Variants in RBFOX1 observed in about 807,000 individuals in gnomAD.
RBFOX1 encodes the protein RNA binding protein fox-1 homolog 1.
RBFOX1 carries 8 observed loss-of-function variants against 57.7 expected under a neutral mutation model. The ratio of observed to expected loss-of-function variants is 0.14; its 90% CI spans 0.08 to 0.25. RBFOX1 has a LOEUF of 0.25. RBFOX1 is among the 10% of genes least tolerant of loss of function. The pLI is 1.00. For synonymous variants in RBFOX1, 326 were observed against 222.4 expected (o/e 1.47, Z -4.15); for missense variants, 611 against 548.5 (o/e 1.11, Z -1.14).
intron 3 of RBFOX1, among the ~76,000 whole-genome samples, chr16:6,902,035 A>T (rs1211824002): frequency 6.6e-6 from 1 of 152,152 alleles, no homozygotes; most frequent in African/African-American, 2.4e-5. Context: ...TTAAGGTTGC[A>T]CTTTACCTGA....
intron 3 of RBFOX1, among the ~76,000 whole-genome samples, chr16:5,832,587 G>C (rs765434658): frequency 2.6e-5 from 4 of 152,202 alleles, no homozygotes; most frequent in Non-Finnish European, 4.4e-5. Flanking sequence ...TTAGGCTTCT[G>C]ATTATACTGC....
At chr16:5,446,364 C>A (rs537831536) in intron 1 of RBFOX1, among the ~76,000 whole-genome samples, 16 of 152,176 alleles carry the variant, frequency 1.1e-4, no homozygotes, top group African/African-American at 3.9e-4. Context: ...ATAGACAAAT[C>A]CAGGAAAGTT....
chr16:5,973,122 T>C (rs1240774119), intron 4 of RBFOX1, among the ~76,000 whole-genome samples: 3 of 152,188 alleles, frequency 2.0e-5, no homozygotes, highest in African/African-American at 7.2e-5. Flanking sequence ...AAAAATAATA[T>C]TCTATTCTAC....
At chr16:5,687,061 AG>A in intron 3 of RBFOX1, among the ~76,000 whole-genome samples, 1 of 152,346 alleles carries the variant, frequency 6.6e-6, no homozygotes, top group South Asian at 2.1e-4. Context: ...ATATTGGCTA[AG>A]AATCAAATTA....
At chr16:6,793,410 T>A (rs2083343685) in intron 3 of RBFOX1, among the ~76,000 whole-genome samples, 1 of 152,198 alleles carries the variant, frequency 6.6e-6, no homozygotes, top group Non-Finnish European at 1.5e-5. Context: ...GGTGGGACAT[T>A]CTTACCTGTT....
intron 4 of RBFOX1, among the ~76,000 whole-genome samples, chr16:7,502,216 G>A (rs1263052674): frequency 2.0e-5 from 3 of 152,102 alleles, no homozygotes; most frequent in African/African-American, 7.2e-5. Context: ...CTTTCTACAA[G>A]TGAGGCGAAT....
At chr16:5,449,925 A>G (rs1350235621) in intron 1 of RBFOX1, among the ~76,000 whole-genome samples, 2 of 152,082 alleles carry the variant, frequency 1.3e-5, no homozygotes, top group African/African-American at 2.4e-5. Context: ...AGCTTTGTAC[A>G]TATCCCCTTC....
intron 2 of RBFOX1, among the ~76,000 whole-genome samples, chr16:5,528,246 G>T (rs186703897): frequency 4.6e-5 from 7 of 152,278 alleles, no homozygotes; most frequent in African/African-American, 1.4e-4. Flanking sequence ...CAGTGCTGAA[G>T]CTACGGTGCC....
chr16:6,892,127 A>C (rs2065588426), intron 3 of RBFOX1, among the ~76,000 whole-genome samples: 1 of 152,056 alleles, frequency 6.6e-6, no homozygotes, highest in African/African-American at 2.4e-5. Flanking sequence ...CAAGTCCCCA[A>C]ACCCCCTGGT....
At chr16:6,346,007 T>G (rs2085315837) in intron 2 of RBFOX1, among the ~76,000 whole-genome samples, 1 of 152,052 alleles carries the variant, frequency 6.6e-6, no homozygotes, top group Non-Finnish European at 1.5e-5. Context: ...ACAAAGTGGT[T>G]GTGTTGTTGA....
At chr16:7,007,563 C>T (rs1034371342) in intron 3 of RBFOX1, among the ~76,000 whole-genome samples, 16 of 152,146 alleles carry the variant, frequency 1.1e-4, no homozygotes, top group Non-Finnish European at 1.8e-4. Context: ...AATTTGCCTA[C>T]TGTACATTGT....
chr16:6,310,067 T>C (rs982195222), intron 1 of RBFOX1, among the ~76,000 whole-genome samples: 1 of 152,132 alleles, frequency 6.6e-6, no homozygotes, highest in African/African-American at 2.4e-5. Context: ...TTTGTATTTT[T>C]AGTAGGGATG....
intron 4 of RBFOX1, among the ~76,000 whole-genome samples, chr16:7,053,485 C>T (rs1161633031): frequency 6.6e-6 from 1 of 152,094 alleles, no homozygotes; most frequent in Non-Finnish European, 1.5e-5. Context: ...GGACGATGGT[C>T]AGAACTAGGT....
chr16:7,412,079 G>C (rs529490327), intron 4 of RBFOX1, among the ~76,000 whole-genome samples: 2 of 152,220 alleles, frequency 1.3e-5, no homozygotes, highest in East Asian at 3.9e-4. Context: ...AGTTAATCGT[G>C]ATGTATTCAT....
chr16:5,270,749 T>A, intron 1 of RBFOX1: 1 of 475,488 alleles, frequency 2.1e-6, no homozygotes, highest in Non-Finnish European at 3.9e-6. Flanking sequence ...CCAGATAACA[T>A]CGGAAAAGAT....
At chr16:7,163,543 CTCT>C (rs1219542865) in intron 4 of RBFOX1, among the ~76,000 whole-genome samples, 1 of 152,160 alleles carries the variant, frequency 6.6e-6, no homozygotes, top group African/African-American at 2.4e-5. Flanking sequence ...GTCTCTCTCC[CTCT>C]TCTTCCACCT....
chr16:7,084,541 A>G (rs1021744006), intron 4 of RBFOX1, among the ~76,000 whole-genome samples: 8 of 152,170 alleles, frequency 5.3e-5, no homozygotes, highest in Non-Finnish European at 8.8e-5. Context: ...CAATGCCCCA[A>G]AAGAAAGGGG....
At chr16:5,767,139 C>T (rs2151663646) in intron 3 of RBFOX1, among the ~76,000 whole-genome samples, 1 of 152,332 alleles carries the variant, frequency 6.6e-6, no homozygotes, top group Admixed American at 6.5e-5. Flanking sequence ...CTACCTAGGG[C>T]CGGGCATTCA....
At chr16:5,895,747 G>C (rs1046240488) in intron 4 of RBFOX1, among the ~76,000 whole-genome samples, 2 of 152,158 alleles carry the variant, frequency 1.3e-5, no homozygotes, top group Non-Finnish European at 2.9e-5. Context: ...AGGATTAAAT[G>C]ACATGTCATG....
Sources: allele counts gnomAD v4.1 joint callset (sites outside exome capture counted in the v4.1 genomes callset), GRCh38; gene constraint gnomAD v4.1.1; transcripts MANE v1.5; gene names NCBI Gene and HGNC (gene_info 2026-07-23, HGNC 2026-07-21).